The following CDC27 variants were observed in gnomAD, a reference collection of about 807,000 sequenced individuals.
The protein encoded by CDC27 is cell division cycle protein 27 homolog.
A neutral mutation model predicts 109.7 loss-of-function variants in CDC27; 27 were observed. The observed-to-expected ratio is 0.25, with a 90% CI of 0.18 to 0.34. The LOEUF is 0.34. Among genes scored for constraint, CDC27 ranks in the 10% least tolerant of loss-of-function variants. The pLI, the probability that CDC27 is intolerant of heterozygous loss-of-function variation, is 1.00. For synonymous variants in CDC27, 266 were observed against 333.9 expected, an observed-to-expected ratio of 0.80 and a Z score of 2.22; for missense variants, 579 against 960.2, an observed-to-expected ratio of 0.60 and a Z score of 5.25.
intron 2 of CDC27, among the ~76,000 whole-genome samples, chr17:47,174,404 G>T (rs1701536087): frequency 6.6e-6 from 1 of 152,208 alleles, no homozygotes; most frequent in African/African-American, 2.4e-5. Flanking sequence ...GCTACCAAGA[G>T]TAGTGATCAA....
intron 8 of CDC27, 42 bp downstream of exon 8, chr17:47,154,630 T>C: frequency 1.0e-6 from 1 of 985,230 alleles, no homozygotes; most frequent in Non-Finnish European, 1.6e-6. Context: ...ATAAACAAGT[T>C]GCTTTAATCA....
chr17:47,123,945 G>C lies in CDC27; in HGVS notation c.2176C>G (p.Leu726Val). The C allele has an allele frequency of 6.3e-7, 1 of 1,599,816 alleles. No individual in the cohort carries two copies. The highest frequency in any genetic ancestry group is 8.5e-7 in the Non-Finnish European group (1 of 1,176,092). ...GGAACAATTTGTTTCAATTCTTCAA[G>C]TTCTTGTAAAGCAGACTGAAAAAGG... ...NEKYKSALQE[L>V]EELKQIVPKE... Residue 726 changes from leucine (L) to valine (V), a missense_variant, in exon 17 of 19, where the codon CTT becomes GTT. Coordinates refer to ENST00000066544, the MANE Select transcript of CDC27 (RefSeq NM_001256.6).
At chr17:47,169,721 G>A in intron 4 of CDC27, 196 bp downstream of exon 4, 2 of 378,344 alleles carry the variant, frequency 5.3e-6, no homozygotes, top group Non-Finnish European at 9.3e-6. Context: ...GGCAGCTGTA[G>A]CTATTATCAG....
chr17:47,148,974 G>T (rs1289242612), intron 9 of CDC27, among the ~76,000 whole-genome samples: 1 of 151,466 alleles, frequency 6.6e-6, no homozygotes, highest in African/African-American at 2.4e-5. Context: ...AGCTACTCGG[G>T]AGGCCGTGGC....
chr17:47,144,620 T>C (rs1434749780), intron 9 of CDC27, among the ~76,000 whole-genome samples: 1 of 152,218 alleles, frequency 6.6e-6, no homozygotes, highest in African/African-American at 2.4e-5. Context: ...ATTTTTACTT[T>C]AAAGGCAAAC....
At chr17:47,178,425 G>A (rs1009578101) in intron 2 of CDC27, among the ~76,000 whole-genome samples, 5 of 151,418 alleles carry the variant, frequency 3.3e-5, no homozygotes, top group South Asian at 2.1e-4. Flanking sequence ...GTCTCATCTA[G>A]TAGGGAGGTT....
At chr17:47,155,521 C>T (rs1445009261) in intron 7 of CDC27, among the ~76,000 whole-genome samples, 1 of 152,198 alleles carries the variant, frequency 6.6e-6, no homozygotes, top group East Asian at 1.9e-4. Context: ...GCTGGGATTA[C>T]AGGCATGAGC....
chr17:47,176,002 A>T (rs1172174752), intron 2 of CDC27, among the ~76,000 whole-genome samples: 10 of 151,762 alleles, frequency 6.6e-5, no homozygotes, highest in Non-Finnish European at 1.0e-4. Context: ...TTTTTTTTTC[A>T]TCCGGTAAGG....
chr17:47,181,458 C>T (rs1024840024), intron 2 of CDC27, 104 bp downstream of exon 2: 1 of 606,316 alleles, frequency 1.6e-6, no homozygotes, highest in Admixed American at 2.8e-5. Flanking sequence ...ATCAGAAAAA[C>T]AACAAGATGA....
intron 18 of CDC27, among the ~76,000 whole-genome samples, chr17:47,121,501 A>C (rs2061981681): frequency 6.6e-6 from 1 of 152,136 alleles, no homozygotes; most frequent in East Asian, 1.9e-4. Context: ...GCAGTGGCAC[A>C]ATCATAGCTC....
intron 14 of CDC27, among the ~76,000 whole-genome samples, chr17:47,134,971 G>A (rs1016124731): frequency 5.3e-5 from 8 of 151,826 alleles, no homozygotes; most frequent in Admixed American, 2.0e-4. Flanking sequence ...TATTACATGT[G>A]TGCCAAGACC....
chr17:47,147,660 C>T (rs111881998), intron 9 of CDC27, among the ~76,000 whole-genome samples: 11 of 151,646 alleles, frequency 7.3e-5, no homozygotes, highest in Non-Finnish European at 1.2e-4. Flanking sequence ...GCTTCAGGCC[C>T]GGAGGTCAAG....
intron 4 of CDC27, among the ~76,000 whole-genome samples, chr17:47,160,826 C>T (rs192802443): frequency 4.5e-4 from 68 of 152,120 alleles, no homozygotes; most frequent in African/African-American, 1.6e-3. Context: ...CCTTGGGGAA[C>T]CAGATATTAG....
intron 2 of CDC27, among the ~76,000 whole-genome samples, chr17:47,181,089 CAAA>C (rs542120720): frequency 2.3e-5 from 3 of 129,826 alleles, no homozygotes; most frequent in African/African-American, 2.8e-5. Context: ...CTATCTCTAC[CAAA>C]AAAAAAAAAA....
At chr17:47,172,715 C>T (rs775911189) in intron 2 of CDC27, among the ~76,000 whole-genome samples, 2 of 152,066 alleles carry the variant, frequency 1.3e-5, no homozygotes, top group African/African-American at 2.4e-5. Context: ...TTAGGAAATG[C>T]CCCCTGCCTT....
At chr17:47,156,276 C>A (rs2063302376) in intron 7 of CDC27, among the ~76,000 whole-genome samples, 1 of 149,258 alleles carries the variant, frequency 6.7e-6, no homozygotes, top group Non-Finnish European at 1.5e-5. Context: ...GTAGCTGGAT[C>A]TACAGGCGCG....
At chr17:47,151,760 T>C (rs1201982785) in intron 9 of CDC27, 46 bp downstream of exon 9, 3 of 1,427,322 alleles carry the variant, frequency 2.1e-6, no homozygotes, top group Non-Finnish European at 2.8e-6. Context: ...ATGTAAAGAA[T>C]CAAGTTTTAT....
intron 3 of CDC27, chr17:47,171,157 T>A (rs968650092): frequency 6.6e-6 from 1 of 152,162 alleles, no homozygotes; most frequent in Non-Finnish European, 1.5e-5. Context: ...TTTTAAGAAT[T>A]CCACATTAGG....
intron 5 of CDC27, 97 bp from the exon 6 acceptor site, chr17:47,157,481 T>G: frequency 2.4e-6 from 2 of 834,116 alleles, no homozygotes; most frequent in Non-Finnish European, 1.8e-6. Flanking sequence ...AAATAGGCCT[T>G]ATCCAAACTT....
Sources: allele counts gnomAD v4.1 joint callset (sites outside exome capture counted in the v4.1 genomes callset), GRCh38; gene constraint gnomAD v4.1.1; transcripts MANE v1.5; gene names NCBI Gene and HGNC (gene_info 2026-07-23, HGNC 2026-07-21).